The following CEP152 variants were observed in gnomAD, a reference collection of about 807,000 sequenced individuals.
The protein encoded by CEP152 is centrosomal protein of 152 kDa.
A neutral mutation model predicts 188.9 loss-of-function variants in CEP152; 132 were observed. The ratio of observed to expected loss-of-function variants is 0.70; its 90% CI spans 0.61 to 0.81. The LOEUF (loss-of-function observed/expected upper bound fraction) is 0.81. CEP152 is among the 30% of genes least tolerant of loss of function. The probability of loss-of-function intolerance (pLI) is 0.00; values close to 1 mark genes in which losing one functional copy is unlikely to be tolerated. For missense variants in CEP152, 1,914 were observed against 1,969.8 expected (o/e 0.97, Z 0.54); for synonymous variants, 649 against 666.6 (o/e 0.97, Z 0.41).
intron 17 of CEP152, among the ~76,000 whole-genome samples, chr15:48,763,755 A>G (rs1446536821): frequency 6.6e-6 from 1 of 152,180 alleles, no homozygotes; most frequent in African/African-American, 2.4e-5. Context: ...TTAGGATCAT[A>G]CTTTGTTCCC....
At chr15:48,737,051 C>G (rs1191958163), downstream of CEP152, among the ~76,000 whole-genome samples, 1 of 152,176 alleles carries the variant, frequency 6.6e-6, no homozygotes, top group African/African-American at 2.4e-5. Context: ...AATTCAAGCA[C>G]TGAAGTCCAG....
chr15:48,798,042 A>C lies in CEP152; in HGVS notation c.97T>G (p.Leu33Val), dbSNP rs1378968851. The C allele has an allele frequency of 1.1e-5, 17 of 1,613,472 alleles. No homozygotes were observed. The highest frequency in any genetic ancestry group is 1.7e-5 in the Admixed American group (1 of 59,952). ...ATGTCATGGGGAAGGTCTGTGAGTA[A>C]CTGCTGCAACTGAGTCAAAAGGTCT... ...DYEREKELQQ[L>V]LTDLPHDMLD... is the part of the protein sequence containing the mutation. The change falls in exon 3 of 27, where the codon TTA (leucine) becomes GTA (valine). Residue 33 changes from leucine to valine, a missense_variant. Physicochemically the swap from Leu to Val is conservative, Grantham distance 32. Coordinates refer to ENST00000380950, the MANE Select transcript of CEP152 (RefSeq NM_001194998.2).
At chr15:48,794,108 T>C (rs886192631) in intron 6 of CEP152, among the ~76,000 whole-genome samples, 96 of 152,216 alleles carry the variant, frequency 6.3e-4, no homozygotes, top group African/African-American at 2.3e-3. Flanking sequence ...ACTATTTGGG[T>C]GATGGGTTCA....
chr15:48,769,080 G>C lies in CEP152; in HGVS notation c.1784C>G (p.Thr595Ser), dbSNP rs1464254352. The change falls in exon 14 of 27, where the codon ACT becomes AGT. Residue 595 changes from threonine (T) to serine (S), a missense_variant and splice_region_variant. By Grantham distance (58) the Thr-to-Ser change is moderately conservative. Coordinates refer to ENST00000380950, the MANE Select transcript of CEP152 (RefSeq NM_001194998.2). The part of the protein sequence containing the change: ...KKDEKSIEVE[T>S]KTDTSEKPKN... ...TGGTTTTTCTGAGGTATCTGTTTTA[G>C]TCTGAATATTAAAAGGTCAAAAGTT... 6.2e-7 allele frequency: 1 copy of C among 1,603,918 alleles called. No homozygotes were observed. The highest frequency in any genetic ancestry group is 2.2e-5 in the East Asian group (1 of 44,662).
chr15:48,763,542 C>T (rs1356738655), intron 17 of CEP152, among the ~76,000 whole-genome samples: 1 of 152,024 alleles, frequency 6.6e-6, no homozygotes, highest in African/African-American at 2.4e-5. Flanking sequence ...GGTGTGGTGG[C>T]GCTTGCCTGT....
At chr15:48,806,017 G>A (rs576307179) in intron 1 of CEP152, among the ~76,000 whole-genome samples, 93 of 152,104 alleles carry the variant, frequency 6.1e-4, no homozygotes, top group African/African-American at 2.2e-3. Context: ...CTTCAAATGT[G>A]ATATATTAAA....
At chr15:48,739,350 C>T (rs567456580) in intron 26 of CEP152, 62 bp from the exon 27 acceptor site, 1 of 1,503,298 alleles carries the variant, frequency 6.7e-7, no homozygotes, top group African/African-American at 1.4e-5. Flanking sequence ...AAGATTCATC[C>T]TTGAACAAAA....
At chr15:48,803,226 AAC>A (rs1897785178) in intron 2 of CEP152, among the ~76,000 whole-genome samples, 1 of 152,232 alleles carries the variant, frequency 6.6e-6, no homozygotes, top group Admixed American at 6.5e-5. Flanking sequence ...CAAAGCTACC[AAC>A]CAGGTAGACA....
chr15:48,769,123 T>A (rs1414896748), intron 13 of CEP152, 42 bp from the exon 14 acceptor site: 2 of 1,525,898 alleles, frequency 1.3e-6, no homozygotes, highest in Non-Finnish European at 1.8e-6. Context: ...TTTTAAAAAA[T>A]TCTAAGTTTC....
At position 48,762,508 on chromosome 15, in the gene CEP152, C is replaced by T. The variant is rs537779382; in HGVS notation, c.2445G>A (p.Glu815=). Residue 815 remains glutamate (E), a synonymous_variant, in exon 18 of 27, where the codon GAG becomes GAA. Transcript: ENST00000380950. ...SKKEMAIMIE[E]QKCTIQQNLE... ...AGTTTTGCTGGATTGTGCACTTCTG[C>T]TCTTCTATCATAATTGCCATCTCTT... 6 of 1,614,090 alleles carry T rather than the reference C, an allele frequency of 3.7e-6. No homozygotes were observed. In the Admixed American group the frequency reaches 5.0e-5, roughly 13 times the overall value.
At chr15:48,777,897 A>G (rs1159175709) in intron 12 of CEP152, among the ~76,000 whole-genome samples, 1 of 152,078 alleles carries the variant, frequency 6.6e-6, no homozygotes, top group East Asian at 1.9e-4. Flanking sequence ...TGCTAAAATA[A>G]TTTTCTCTTC....
rs144577443 is a variant in CEP152 at position 48,731,977 on chromosome 15, A to G, written c.142+9654T>C. On this transcript the variant is annotated intron_variant and NMD_transcript_variant, in intron 2 of 3. Transcript: ENST00000561245. ...TAGAGAAATGCAAATCAAAACCACAATGAGATACCATCTCACGCCAATCAT... is the reference window on the plus strand; with the variant it reads ...TAGAGAAATGCAAATCAAAACCACAGTGAGATACCATCTCACGCCAATCAT... Among the ~76,000 whole-genome samples, 72 of 152,366 alleles carry G rather than the reference A, an allele frequency of 4.7e-4. 1 individual carries two copies. In the East Asian group the frequency reaches 0.013, roughly 27 times the overall value.
chr15:48,763,667 C>T (rs1001884295), intron 17 of CEP152, among the ~76,000 whole-genome samples: 1 of 151,594 alleles, frequency 6.6e-6, no homozygotes, highest in African/African-American at 2.4e-5. Context: ...AGCGAGGCTC[C>T]GTCTCAAAAA....
intron 21 of CEP152, among the ~76,000 whole-genome samples, chr15:48,749,645 C>T (rs1169725824): frequency 6.6e-6 from 1 of 151,760 alleles, no homozygotes; most frequent in Non-Finnish European, 1.5e-5. Flanking sequence ...CATGAAGAAA[C>T]ACCAGACAAA....
chr15:48,788,536 G>T (rs1054717593), intron 9 of CEP152, among the ~76,000 whole-genome samples: 2 of 151,410 alleles, frequency 1.3e-5, no homozygotes, highest in African/African-American at 4.9e-5. Context: ...GTAGAGACGG[G>T]GTTTCACCAA....
intron 20 of CEP152, among the ~76,000 whole-genome samples, chr15:48,754,583 A>G (rs947419505): frequency 1.3e-5 from 2 of 152,142 alleles, no homozygotes; most frequent in East Asian, 3.8e-4. Flanking sequence ...TGCCCAGTAA[A>G]TTTTACATTG....
chr15:48,796,102 G>A lies in CEP152; in HGVS notation c.599C>T (p.Ser200Phe), dbSNP rs769723865. 1.9e-6 allele frequency: 3 copies of A among 1,613,768 alleles called. No individual in the cohort carries two copies. The highest frequency in any genetic ancestry group is 1.7e-6 in the Non-Finnish European group (2 of 1,179,842). Residue 200 changes from serine (S) to phenylalanine (F), a missense_variant, in exon 6 of 27, where the codon TCT becomes TTT. Transcript: ENST00000380950. ...YNKVTYKPYQSSAQNNGSPAQ... is the reference protein window; with the variant it reads ...YNKVTYKPYQFSAQNNGSPAQ... ...TGGTGAGCCATTATTCTGGGCAGAA[G>A]ACTGATAAGGTTTATATGTCACTTT... is the stretch of plus-strand genomic sequence containing the variant.
At chr15:48,741,246 C>T in intron 26 of CEP152, 1 of 1,128,968 alleles carries the variant, frequency 8.9e-7, no homozygotes, top group South Asian at 2.1e-5. Flanking sequence ...CCTCCCACCT[C>T]AGCCTCCCAA....
rs1266115831 is a variant in CEP152, at chr15:48,748,444, T to A, written c.3633A>T (p.Gly1211=). ...AGCAGTGCTACTTTAAATGCTAACC[T>A]CCAATTTTTTCCACTACAGCTTTGT... is the stretch of plus-strand genomic sequence containing the variant. ...RKHKAVVEKI[G]EENNKVVEEL... is the part of the protein sequence containing the mutation. Residue 1211 remains glycine, a splice_region_variant and synonymous_variant, in exon 22 of 27, where the codon GGA becomes GGT. Coordinates refer to ENST00000380950, the MANE Select transcript of CEP152 (RefSeq NM_001194998.2). 61 of 1,528,446 alleles carry A rather than the reference T, an allele frequency of 4.0e-5. No homozygotes were observed. The highest frequency in any genetic ancestry group is 4.6e-5 in the Non-Finnish European group (53 of 1,143,918). The allele number at this position is 1,528,446 out of a possible 1,614,324, so 94.7% of individuals were successfully genotyped here.
Sources: allele counts gnomAD v4.1 joint callset (sites outside exome capture counted in the v4.1 genomes callset), GRCh38; gene constraint gnomAD v4.1.1; transcripts MANE v1.5; gene names NCBI Gene and HGNC (gene_info 2026-07-23, HGNC 2026-07-21).